The following ERBB4 variants were observed in gnomAD, a reference collection of about 807,000 sequenced individuals.
The protein encoded by ERBB4 is receptor tyrosine-protein kinase erbB-4.
Under a neutral mutation model 158.0 loss-of-function variants are expected in ERBB4, and 42 were observed. The ratio of observed to expected loss-of-function variants is 0.27; its 90% CI spans 0.21 to 0.34. The LOEUF is 0.34. ERBB4 is among the 10% of genes least tolerant of loss of function. The pLI, the probability that ERBB4 is intolerant of heterozygous loss-of-function variation, is 1.00. For missense variants in ERBB4, 1,333 were observed against 1,624.1 expected, an observed-to-expected ratio of 0.82 and a Z score of 3.08; for synonymous variants, 583 against 558.7, an observed-to-expected ratio of 1.04 and a Z score of -0.61.
intron 4 of ERBB4, among the ~76,000 whole-genome samples, chr2:211,764,368 C>T (rs963139541): frequency 1.2e-4 from 18 of 152,280 alleles, no homozygotes; most frequent in African/African-American, 3.8e-4. Context: ...TATCTTTCAG[C>T]TCCAGTTTTC....
chr2:211,997,909 T>TACACACA (rs35510591), intron 2 of ERBB4, among the ~76,000 whole-genome samples: 2,551 of 150,480 alleles, frequency 0.017, 29 homozygotes, highest in Middle Eastern at 0.024. Context: ...CACACACACA[T>TACACACA]CACACACACA....
At chr2:211,931,857 T>C (rs969237012) in intron 3 of ERBB4, among the ~76,000 whole-genome samples, 4 of 152,168 alleles carry the variant, frequency 2.6e-5, no homozygotes, top group Middle Eastern at 3.4e-3. Context: ...GTTACTCTAT[T>C]GAGAACTGCA....
intron 20 of ERBB4, among the ~76,000 whole-genome samples, chr2:211,482,764 GC>G (rs1182449079): frequency 6.6e-6 from 1 of 152,078 alleles, no homozygotes; most frequent in African/African-American, 2.4e-5. Context: ...AAATAGCCGG[GC>G]GTGGTGGCAC....
At chr2:211,451,344 G>A (rs2064242247) in intron 20 of ERBB4, among the ~76,000 whole-genome samples, 2 of 152,202 alleles carry the variant, frequency 1.3e-5, no homozygotes, top group African/African-American at 4.8e-5. Context: ...AGTCTGAATA[G>A]TAGTTTGGAC....
chr2:211,841,695 G>A (rs1180378705), intron 3 of ERBB4, among the ~76,000 whole-genome samples: 1 of 151,466 alleles, frequency 6.6e-6, no homozygotes, highest in Non-Finnish European at 1.5e-5. Flanking sequence ...TTAATATGAG[G>A]CCTTCAAAAA....
chr2:211,621,497 T>G (rs1008319234), intron 18 of ERBB4, among the ~76,000 whole-genome samples: 4 of 152,180 alleles, frequency 2.6e-5, no homozygotes, highest in Non-Finnish European at 5.9e-5. Context: ...TCAATTAGGG[T>G]AAAACACTCA....
At position 212,042,317 on chromosome 2, in the gene ERBB4, T is replaced by C. The variant is rs2077160391; in HGVS notation, c.234+82435A>G. 2.0e-5 allele frequency among the ~76,000 whole-genome samples: 3 copies of C among 152,210 alleles called. No individual in the cohort carries two copies. The East Asian group carries it at 5.8e-4, about 29-fold the overall frequency. On this transcript the variant is annotated intron_variant, in intron 2 of 27. Coordinates refer to ENST00000342788, the MANE Select transcript of ERBB4 (RefSeq NM_005235.3). ...ATCTTTTTTGTTTTAAAGATTAAAA[T>C]TTTCCATAATTTACAGCAAAATTGT... is the stretch of plus-strand genomic sequence containing the variant.
intron 2 of ERBB4, among the ~76,000 whole-genome samples, chr2:212,087,837 T>A (rs963379285): frequency 1.3e-5 from 2 of 152,122 alleles, no homozygotes; most frequent in Admixed American, 6.6e-5. Flanking sequence ...ATCCTAGCTT[T>A]ACCATTTACT....
chr2:211,428,971 C>T (rs140232378), intron 21 of ERBB4, among the ~76,000 whole-genome samples: 236 of 151,990 alleles, frequency 1.6e-3, no homozygotes, highest in African/African-American at 4.8e-3. Flanking sequence ...TTTGACCTCC[C>T]AAAATGCTGG....
intron 16 of ERBB4, among the ~76,000 whole-genome samples, chr2:211,655,456 T>C (rs1024683831): frequency 2.6e-5 from 4 of 152,148 alleles, no homozygotes; most frequent in South Asian, 4.1e-4. Context: ...ATTTTATGCA[T>C]GAAGAAAGTG....
chr2:211,716,491 A>G (rs2073911842), intron 7 of ERBB4, among the ~76,000 whole-genome samples: 1 of 151,274 alleles, frequency 6.6e-6, no homozygotes, highest in Non-Finnish European at 1.5e-5. Context: ...CCCGGCTAAC[A>G]CGGTGAAACC....
chr2:211,607,584 A>T (rs1370624942), intron 19 of ERBB4, among the ~76,000 whole-genome samples: 1 of 152,114 alleles, frequency 6.6e-6, no homozygotes, highest in Non-Finnish European at 1.5e-5. Flanking sequence ...TCTGTGACGA[A>T]CTGGTCTCAT....
intron 20 of ERBB4, among the ~76,000 whole-genome samples, chr2:211,442,273 C>T (rs1444314225): frequency 6.6e-6 from 1 of 152,064 alleles, no homozygotes; most frequent in East Asian, 1.9e-4. Context: ...TTTAACGTTT[C>T]TTAGATCACA....
At chr2:212,095,609 A>C (rs1316738425) in intron 2 of ERBB4, among the ~76,000 whole-genome samples, 2 of 152,216 alleles carry the variant, frequency 1.3e-5, no homozygotes, top group African/African-American at 2.4e-5. Flanking sequence ...GAGTATCAGA[A>C]TACAGAGCAT....
intron 1 of ERBB4, among the ~76,000 whole-genome samples, chr2:212,190,097 T>C (rs1054175058): frequency 1.3e-5 from 2 of 152,174 alleles, no homozygotes; most frequent in East Asian, 3.8e-4. Context: ...TAGTCATTGA[T>C]AGTTATTACA....
intron 1 of ERBB4, among the ~76,000 whole-genome samples, chr2:212,144,528 A>C (rs2080598611): frequency 6.6e-6 from 1 of 152,316 alleles, no homozygotes; most frequent in Middle Eastern, 3.4e-3. Context: ...AATATCCACC[A>C]TTATCCTCAA....
intron 2 of ERBB4, among the ~76,000 whole-genome samples, chr2:212,099,668 G>T (rs1217947147): frequency 2.0e-5 from 3 of 151,290 alleles, no homozygotes; most frequent in Admixed American, 2.0e-4. Context: ...GTTAGTTTTG[G>T]CTCTAGGGCA....
chr2:212,517,601 GTTGC>G lies in ERBB4; in HGVS notation c.82+20844_82+20847del, dbSNP rs542365606. Among the ~76,000 whole-genome samples, 560 of 152,084 alleles carry G rather than the reference GTTGC, an allele frequency of 3.7e-3. 5 individuals are homozygous for G. The highest frequency in any genetic ancestry group is 0.013 in the African/African-American group (542 of 41,520). ...AGCATGAGAGTGACTGCATTCCAAGGTTGCTCTTTTCTTTCATTCTCTTCTTTCT... is the reference window on the plus strand; with the variant it reads ...AGCATGAGAGTGACTGCATTCCAAGGTCTTTTCTTTCATTCTCTTCTTTCT... On this transcript the variant is annotated intron_variant, in intron 1 of 27. Transcript: ENST00000342788.
chr2:211,566,353 A>C (rs2067547211), intron 19 of ERBB4, among the ~76,000 whole-genome samples: 1 of 152,198 alleles, frequency 6.6e-6, no homozygotes, highest in African/African-American at 2.4e-5. Flanking sequence ...GGAAGGCCAG[A>C]TTATAGGTAA....
Sources: allele counts gnomAD v4.1 joint callset (sites outside exome capture counted in the v4.1 genomes callset), GRCh38; gene constraint gnomAD v4.1.1; transcripts MANE v1.5; gene names NCBI Gene and HGNC (gene_info 2026-07-23, HGNC 2026-07-21).